The following ARMH3 variants were observed in gnomAD, a reference collection of about 807,000 sequenced individuals.
ARMH3 encodes armadillo like helical domain containing 3, also known as armadillo-like helical domain-containing protein 3.
ARMH3 carries 60 observed loss-of-function variants against 99.1 expected under a neutral mutation model. That is an observed-to-expected ratio of 0.61 (90% confidence interval 0.49 to 0.75). The LOEUF is 0.75. Ranked by LOEUF, ARMH3 falls within the 30% of genes least tolerant of loss-of-function variation. The pLI is 0.00. For missense variants in ARMH3, 679 were observed against 843.1 expected, an observed-to-expected ratio of 0.81 and a Z score of 2.41; for synonymous variants, 285 against 292.8, an observed-to-expected ratio of 0.97 and a Z score of 0.27.
chr10:102,023,446 A>G (rs373585047), intron 8 of ARMH3, 31 bp downstream of exon 8: 56 of 1,582,096 alleles, frequency 3.5e-5, no homozygotes, highest in Non-Finnish European at 1.3e-5. Flanking sequence ...TTATAGGCAG[A>G]TAACAACTGT....
intron 22 of ARMH3, among the ~76,000 whole-genome samples, chr10:101,942,099 T>C (rs953852037): frequency 5.9e-5 from 9 of 152,212 alleles, no homozygotes; most frequent in African/African-American, 1.7e-4. Context: ...GGAAACACCA[T>C]TGGTTTTTAC....
At chr10:102,005,428 T>C (rs886639956) in intron 14 of ARMH3, among the ~76,000 whole-genome samples, 2 of 150,584 alleles carry the variant, frequency 1.3e-5, no homozygotes, top group African/African-American at 4.9e-5. Flanking sequence ...TGGCTTTCAA[T>C]TCTAAACAGA....
chr10:101,864,060 C>CAA (rs71485765), intron 24 of ARMH3, among the ~76,000 whole-genome samples: 13 of 105,638 alleles, frequency 1.2e-4, no homozygotes, highest in Non-Finnish European at 2.2e-4. Flanking sequence ...GACTCCATCT[C>CAA]AAAAAAAAAA....
intron 23 of ARMH3, among the ~76,000 whole-genome samples, chr10:101,913,544 T>C (rs1368926717): frequency 1.3e-5 from 2 of 150,852 alleles, no homozygotes; most frequent in Non-Finnish European, 3.0e-5. Flanking sequence ...TTTTAAATGT[T>C]TTTGTAGAGA....
chr10:101,953,352 C>T (rs182831296), intron 22 of ARMH3, among the ~76,000 whole-genome samples: 12 of 152,228 alleles, frequency 7.9e-5, no homozygotes, highest in Non-Finnish European at 1.5e-4. Flanking sequence ...TCTCGAACTC[C>T]TGAGCTCAAG....
intron 22 of ARMH3, among the ~76,000 whole-genome samples, chr10:101,953,542 C>CTT (rs35546669): frequency 1.4e-4 from 16 of 117,906 alleles, no homozygotes; most frequent in African/African-American, 3.8e-4. Flanking sequence ...CGTGCCCAGC[C>CTT]TTTTTTTTTT....
intron 19 of ARMH3, among the ~76,000 whole-genome samples, chr10:101,980,416 A>G (rs769893015): frequency 1.3e-5 from 2 of 152,152 alleles, no homozygotes; most frequent in Non-Finnish European, 2.9e-5. Flanking sequence ...CTCATGCCTC[A>G]GCCTCCTAAG....
intron 23 of ARMH3, among the ~76,000 whole-genome samples, chr10:101,938,317 A>T (rs975944897): frequency 6.6e-6 from 1 of 152,250 alleles, no homozygotes; most frequent in Non-Finnish European, 1.5e-5. Context: ...AAGAGAAGAA[A>T]GAAGTTACAT....
intron 22 of ARMH3, among the ~76,000 whole-genome samples, chr10:101,951,144 G>GA (rs1844764628): frequency 6.6e-6 from 1 of 152,150 alleles, no homozygotes; most frequent in African/African-American, 2.4e-5. Flanking sequence ...ACATTCGTGA[G>GA]AAAAATCAGA....
In ARMH3 at chr10:102,009,559, T is replaced by C. The variant is rs1590177432; in HGVS notation, c.879-110A>G. 8.3e-6 allele frequency: 8 copies of C among 961,962 alleles called. No individual in the cohort carries two copies. In the East Asian group the frequency reaches 1.9e-4, roughly 23 times the overall value. 59.6% of individuals were successfully genotyped at this position (961,962 alleles called of 1,614,324 possible). On this transcript the variant is annotated intron_variant, in intron 12 of 25. Transcript: ENST00000370033. ...ACCCCAGCGCCTCATTATCAATTCC[T>C]TTGCATTTCTAAAGTTCCCCTTTAC...
intron 23 of ARMH3, among the ~76,000 whole-genome samples, chr10:101,905,400 C>G (rs1239443755): frequency 6.6e-6 from 1 of 152,180 alleles, no homozygotes; most frequent in Non-Finnish European, 1.5e-5. Flanking sequence ...ATGTAAACAA[C>G]CATACCACAA....
intron 23 of ARMH3, among the ~76,000 whole-genome samples, chr10:101,914,729 G>C (rs1430826529): frequency 6.6e-6 from 1 of 151,574 alleles, no homozygotes; most frequent in African/African-American, 2.4e-5. Context: ...AGCTGGGCAT[G>C]GTGGCAGGCT....
intron 23 of ARMH3, among the ~76,000 whole-genome samples, chr10:101,926,134 C>G (rs917406385): frequency 7.2e-5 from 11 of 152,178 alleles, no homozygotes; most frequent in African/African-American, 2.7e-4. Context: ...ATAGAAAAGA[C>G]GAGCTCTGGT....
In ARMH3 at chr10:102,002,029, G is replaced by A. The variant is rs760737138; in HGVS notation, c.1092C>T (p.Thr364=). 3 of 1,614,126 alleles carry A rather than the reference G, an allele frequency of 1.9e-6. No homozygotes were observed. The highest frequency in any genetic ancestry group is 2.5e-6 in the Non-Finnish European group (3 of 1,180,022). The change falls in exon 15 of 26, where the codon ACC becomes ACT. Residue 364 remains threonine, a synonymous_variant. Transcript: ENST00000370033. The part of the protein sequence containing the change: ...VELPLDADVQ[T]SNLLITFLKY... ...TTAAAAAGGTTATCAGTAGATTACT[G>A]GTCTGTACATCTGCATCCAGTGGGA...
chr10:101,988,962 C>T (rs1846643702), intron 19 of ARMH3, among the ~76,000 whole-genome samples: 1 of 145,006 alleles, frequency 6.9e-6, no homozygotes, highest in African/African-American at 2.5e-5. Flanking sequence ...TAGAGGTCTA[C>T]TCTATTTAGA....
chr10:101,895,572 C>T (rs1589980299), intron 23 of ARMH3, among the ~76,000 whole-genome samples: 2 of 152,280 alleles, frequency 1.3e-5, no homozygotes, highest in South Asian at 2.1e-4. Flanking sequence ...AGCCACTGCG[C>T]CCGGCCCTTA....
At position 102,013,176 on chromosome 10, in the gene ARMH3, G is replaced by A. The variant is rs138460356; in HGVS notation, c.727-300C>T. ...CTGGGATCATTTTCACTTTGAAAGA[G>A]AAGATCCAGTTAGAATCTTCAAACA... On this transcript the variant is annotated intron_variant, in intron 9 of 25. Transcript: ENST00000370033. Among the ~76,000 whole-genome samples the A allele has an allele frequency of 2.4e-3, 360 of 152,302 alleles. 3 individuals carry two copies. The highest frequency in any genetic ancestry group is 7.0e-3 in the African/African-American group (291 of 41,568).
rs553472020 is a variant in ARMH3, at chr10:101,996,032, T to C, written c.1151-677A>G. Among the ~76,000 whole-genome samples, 4 of 152,300 alleles carry C rather than the reference T, an allele frequency of 2.6e-5. No homozygotes were observed. The South Asian group carries it at 8.3e-4, about 32-fold the overall frequency. ...GGTCTCTCACAACTCACATTCTAGT[T>C]ATTAAAAAAGAAGAAGACAACCTCA... is the stretch of plus-strand genomic sequence containing the variant. On this transcript the variant is annotated intron_variant, in intron 15 of 25. Transcript: ENST00000370033.
chr10:101,870,509 A>C (rs1341186597), intron 24 of ARMH3, among the ~76,000 whole-genome samples: 1 of 152,240 alleles, frequency 6.6e-6, no homozygotes, highest in Non-Finnish European at 1.5e-5. Flanking sequence ...AACAGAATTT[A>C]GGTGAGGGTT....
Sources: allele counts gnomAD v4.1 joint callset (sites outside exome capture counted in the v4.1 genomes callset), GRCh38; gene constraint gnomAD v4.1.1; transcripts MANE v1.5; gene names NCBI Gene and HGNC (gene_info 2026-07-23, HGNC 2026-07-21).